Variants in ATP6V1C2 observed in about 807,000 individuals in gnomAD.
ATP6V1C2 encodes ATPase H+ transporting V1 subunit C2.
In ATP6V1C2, 45 loss-of-function variants were observed where a neutral mutation model predicts 56.8. That is an observed-to-expected ratio of 0.79 (90% CI 0.62 to 1.02). ATP6V1C2 has a LOEUF of 1.02. Ranked by LOEUF, ATP6V1C2 falls within the 50% of genes least tolerant of loss-of-function variation. ATP6V1C2 has a pLI of 0.00. For synonymous variants in ATP6V1C2, 220 were observed against 201.3 expected, an observed-to-expected ratio of 1.09 and a Z score of -0.79; for missense variants, 463 against 519.7, an observed-to-expected ratio of 0.89 and a Z score of 1.06.
chr2:10,753,031 T>C (rs181477658), intron 3 of ATP6V1C2, among the ~76,000 whole-genome samples: 24 of 152,194 alleles, frequency 1.6e-4, no homozygotes, highest in Admixed American at 1.4e-3. Context: ...AAAAATTGGC[T>C]AAAATCCTAC....
intron 3 of ATP6V1C2, chr2:10,744,368 TAGG>T (rs1353354133): frequency 6.6e-6 from 1 of 152,212 alleles, no homozygotes. Context: ...AATGCTGTAT[TAGG>T]AGTTTTCTTT....
chr2:10,734,292 C>T (rs1323593872), intron 3 of ATP6V1C2, among the ~76,000 whole-genome samples: 1 of 152,082 alleles, frequency 6.6e-6, no homozygotes, highest in Non-Finnish European at 1.5e-5. Flanking sequence ...AGACTCTTTT[C>T]CCCACCTCTT....
At chr2:10,769,241 T>G (rs1168574507) in intron 6 of ATP6V1C2, among the ~76,000 whole-genome samples, 1 of 152,176 alleles carries the variant, frequency 6.6e-6, no homozygotes, top group African/African-American at 2.4e-5. Context: ...GGGACTCAGG[T>G]GCCTTCTCCA....
At chr2:10,750,688 A>G (rs1337890849) in intron 3 of ATP6V1C2, among the ~76,000 whole-genome samples, 1 of 152,240 alleles carries the variant, frequency 6.6e-6, no homozygotes, top group African/African-American at 2.4e-5. Flanking sequence ...ATTGCTGAGC[A>G]GCTGCTGTGA....
At chr2:10,782,091 C>T (rs760590870) in intron 12 of ATP6V1C2, 152 bp from the exon 13 acceptor site, 82 of 861,624 alleles carry the variant, frequency 9.5e-5, no homozygotes, top group Non-Finnish European at 1.2e-4. Context: ...CAGAGATCAC[C>T]GCTGACCCTA....
intron 6 of ATP6V1C2, among the ~76,000 whole-genome samples, chr2:10,771,426 G>A (rs17455547): frequency 0.15 from 22,582 of 152,248 alleles, 1,886 homozygotes; most frequent in South Asian, 0.22. Flanking sequence ...TATCGAGGAC[G>A]GCTCAACGCA....
At chr2:10,760,459 C>T (rs796146934) in intron 4 of ATP6V1C2, among the ~76,000 whole-genome samples, 9 of 152,274 alleles carry the variant, frequency 5.9e-5, no homozygotes, top group African/African-American at 1.9e-4. Context: ...CAGGGAAGGG[C>T]TTGGATGCCT....
In ATP6V1C2 at chr2:10,784,764, C is replaced by T; in HGVS notation, c.*1501C>T. The T allele has an allele frequency of 1.7e-6, 1 of 580,436 alleles. No homozygotes were observed. Among genetic ancestry groups the T allele is most frequent in the South Asian group, 2.2e-5 (1 of 45,400 alleles). The allele number at this position is 580,436 out of a possible 1,614,324, so 36.0% of individuals were successfully genotyped here. A position where few individuals can be genotyped will look rare whatever the true frequency, so the allele number is the denominator to read the frequency against. ...TATCAAATGCCATGCAGCACTTAAA[C>T]TTGTGATAAGGAAGATGAAGGGTCT... On this transcript the variant is annotated 3_prime_UTR_variant, in exon 14 of 14. Transcript: ENST00000272238.
chr2:10,725,330 A>C (rs1661578905), intron 2 of ATP6V1C2, among the ~76,000 whole-genome samples: 1 of 151,602 alleles, frequency 6.6e-6, no homozygotes, highest in Non-Finnish European at 1.5e-5. Flanking sequence ...CAGAAGAATC[A>C]CTTGAACCTG....
chr2:10,732,748 G>A (rs1244086369), intron 3 of ATP6V1C2, among the ~76,000 whole-genome samples: 1 of 151,794 alleles, frequency 6.6e-6, no homozygotes, highest in Admixed American at 6.6e-5. Flanking sequence ...CGAGGCGGGT[G>A]GATCATGAGG....
chr2:10,763,585 C>G lies in ATP6V1C2; in HGVS notation c.284-746C>G, dbSNP rs1377341939. 6.6e-6 allele frequency among the ~76,000 whole-genome samples: 1 copy of G among 152,184 alleles called. No individual in the cohort carries two copies. The highest frequency in any genetic ancestry group is 2.4e-5 in the African/African-American group (1 of 41,442). On this transcript the variant is annotated intron_variant, in intron 4 of 13. Transcript: ENST00000272238. The surrounding 1 kb of genome is among the most constrained non-coding windows in gnomAD (Gnocchi z 4.2). ...TGGGACATCCGCCATGGGAAGGGCC[C>G]TCTGCCAGGGGCACAGGAATTCCAG...
intron 9 of ATP6V1C2, 21 bp from the exon 10 acceptor site, chr2:10,774,957 C>A: frequency 6.2e-7 from 1 of 1,613,082 alleles, no homozygotes; most frequent in Non-Finnish European, 8.5e-7. Flanking sequence ...GAGTGAAAAC[C>A]CATGATTTGC....
chr2:10,740,529 G>C (rs1204402165), intron 3 of ATP6V1C2, among the ~76,000 whole-genome samples: 1 of 152,086 alleles, frequency 6.6e-6, no homozygotes, highest in African/African-American at 2.4e-5. Context: ...TTTTGGCATA[G>C]TCTCCAGAAC....
At chr2:10,765,131 C>T (rs997909444) in intron 5 of ATP6V1C2, among the ~76,000 whole-genome samples, 5 of 152,206 alleles carry the variant, frequency 3.3e-5, no homozygotes, top group African/African-American at 1.2e-4. Flanking sequence ...TCAGACACTG[C>T]ACCAGCTCGT....
intron 3 of ATP6V1C2, among the ~76,000 whole-genome samples, chr2:10,748,720 A>T (rs1337665960): frequency 6.6e-6 from 1 of 151,876 alleles, no homozygotes; most frequent in African/African-American, 2.4e-5. Context: ...TAGATTTATG[A>T]TCAATTTCTG....
intron 3 of ATP6V1C2, among the ~76,000 whole-genome samples, chr2:10,727,793 G>C (rs1351360729): frequency 6.6e-6 from 1 of 151,886 alleles, no homozygotes; most frequent in Admixed American, 6.6e-5. Context: ...TAGCTACTCC[G>C]GAGGCTGAGG....
chr2:10,764,025 C>T (rs1253111095), intron 4 of ATP6V1C2, among the ~76,000 whole-genome samples: 3 of 152,220 alleles, frequency 2.0e-5, no homozygotes, highest in African/African-American at 7.2e-5. Flanking sequence ...AAAAACGCAC[C>T]TCCCTGCCGT....
chr2:10,740,869 T>C (rs896453797), intron 3 of ATP6V1C2, among the ~76,000 whole-genome samples: 2 of 152,156 alleles, frequency 1.3e-5, no homozygotes, highest in Non-Finnish European at 2.9e-5. Flanking sequence ...GCATTTTTAG[T>C]AGAGACGGGG....
At chr2:10,766,494 C>G (rs1426874433) in intron 5 of ATP6V1C2, among the ~76,000 whole-genome samples, 1 of 152,204 alleles carries the variant, frequency 6.6e-6, no homozygotes, top group Non-Finnish European at 1.5e-5. Context: ...GTTCCTATCA[C>G]TGCTTTACTG....
Sources: allele counts gnomAD v4.1 joint callset (sites outside exome capture counted in the v4.1 genomes callset), GRCh38; gene constraint gnomAD v4.1.1; non-coding constraint Gnocchi (gnomAD v3.1); transcripts MANE v1.5; gene names NCBI Gene and HGNC (gene_info 2026-07-23, HGNC 2026-07-21).